Variants in HDGFL3 observed in about 807,000 individuals in gnomAD.
The protein encoded by HDGFL3 is hepatoma-derived growth factor-related protein 3.
Under a neutral mutation model 27.6 loss-of-function variants are expected in HDGFL3, and 6 were observed. The ratio of observed to expected loss-of-function variants is 0.22; its 90% CI spans 0.12 to 0.43. The LOEUF (loss-of-function observed/expected upper bound fraction) is 0.43. Ranked by LOEUF, HDGFL3 falls within the 20% of genes least tolerant of loss-of-function variation. HDGFL3 has a pLI of 1.00. For synonymous variants in HDGFL3, 88 were observed against 88.9 expected (o/e 0.99, Z 0.05); for missense variants, 207 against 250.1 (o/e 0.83, Z 1.16).
chr15:83,136,601 C>T lies in HDGFL3; in HGVS notation c.*2669G>A. 1 of 1,613,562 alleles carries T rather than the reference C, an allele frequency of 6.2e-7. No homozygotes were observed. The highest frequency in any genetic ancestry group is 8.5e-7 in the Non-Finnish European group (1 of 1,179,814). ...CATAGCATATGGAGTTCTTCCTCAG[C>T]TCTTGGCCTATCGTTGTATCTACAA... is the stretch of plus-strand genomic sequence containing the variant. On this transcript the variant is annotated 3_prime_UTR_variant, in exon 6 of 6. Transcript: ENST00000299633.
chr15:83,174,483 A>G (rs1038634577), intron 1 of HDGFL3, among the ~76,000 whole-genome samples: 4 of 150,040 alleles, frequency 2.7e-5, no homozygotes, highest in African/African-American at 7.4e-5. Flanking sequence ...TATATGTTAC[A>G]TTGAGCACCA....
rs551408565 is a variant in HDGFL3, at chr15:83,176,047, G to T, written c.85-11972C>A. ...TCTCTGTTGGATGCAGCATGGCAAAGAATCTGATACACTAGTCTTTTGCCT... is the reference window on the plus strand; with the variant it reads ...TCTCTGTTGGATGCAGCATGGCAAATAATCTGATACACTAGTCTTTTGCCT... On this transcript the variant is annotated intron_variant, in intron 1 of 5. Transcript: ENST00000299633. Among the ~76,000 whole-genome samples the T allele has an allele frequency of 9.2e-5, 14 of 152,348 alleles. No individual in the cohort carries two copies. The South Asian group carries it at 2.9e-3, about 32-fold the overall frequency.
chr15:83,151,247 T>C lies in HDGFL3; in HGVS notation c.574A>G (p.Thr192Ala). The change falls in exon 5 of 6, where the codon ACA becomes GCA. Residue 192 changes from threonine to alanine, a missense_variant. Thr to Ala is a moderately conservative substitution (Grantham distance 58). Transcript: ENST00000299633. ...GGDAGNDTRN[T>A]TSDLQKTSEG... ...CTGGTTTTCTGCAAGTCTGAAGTTG[T>C]GTTTCTTGTGTCGTTGCCCGCATCT... The C allele has an allele frequency of 6.2e-7, 1 of 1,613,082 alleles. No homozygotes were observed. The highest frequency in any genetic ancestry group is 8.5e-7 in the Non-Finnish European group (1 of 1,179,802).
chr15:83,137,963 C>T lies in HDGFL3; in HGVS notation c.*1307G>A, dbSNP rs2151391870. On this transcript the variant is annotated 3_prime_UTR_variant, in exon 6 of 6. Transcript: ENST00000299633. ...CATGTAGTCATCTCCCCATCATCCC[C>T]TACAGTGTTTTCAAATAATCTAAAA... 6.6e-6 allele frequency: 1 copy of T among 151,836 alleles called. No individual in the cohort carries two copies. The highest frequency in any genetic ancestry group is 1.5e-5 in the Non-Finnish European group (1 of 67,902). 9.4% of individuals were successfully genotyped at this position (151,836 alleles called of 1,614,324 possible). A position where few individuals can be genotyped will look rare whatever the true frequency, so the allele number is the denominator to read the frequency against.
At chr15:83,159,977 A>G (rs2037078025) in intron 2 of HDGFL3, among the ~76,000 whole-genome samples, 1 of 152,214 alleles carries the variant, frequency 6.6e-6, no homozygotes, top group African/African-American at 2.4e-5. Context: ...TGTACTGAAA[A>G]CAGACTGAAG....
chr15:83,153,125 G>A (rs1045769141), intron 4 of HDGFL3, among the ~76,000 whole-genome samples: 5 of 151,200 alleles, frequency 3.3e-5, no homozygotes, highest in Non-Finnish European at 5.9e-5. Flanking sequence ...TTAGCCTCCC[G>A]AGTAGCTGGG....
At chr15:83,159,834 G>C (rs189569964) in intron 2 of HDGFL3, among the ~76,000 whole-genome samples, 1 of 152,308 alleles carries the variant, frequency 6.6e-6, no homozygotes, top group African/African-American at 2.4e-5. Flanking sequence ...TGTGAGACAG[G>C]TTAACAGAGT....
chr15:83,140,255 T>C (rs1202867039), intron 5 of HDGFL3, among the ~76,000 whole-genome samples: 1 of 152,106 alleles, frequency 6.6e-6, no homozygotes, highest in South Asian at 2.1e-4. Flanking sequence ...GGCAGAAATA[T>C]ACTTTTTATC....
intron 2 of HDGFL3, among the ~76,000 whole-genome samples, chr15:83,160,110 CA>C (rs2037079852): frequency 6.6e-6 from 1 of 151,804 alleles, no homozygotes; most frequent in African/African-American, 2.4e-5. Flanking sequence ...AATTCATTCT[CA>C]AGAAAGAGCA....
chr15:83,196,235 A>G (rs1366276431), intron 1 of HDGFL3, among the ~76,000 whole-genome samples: 1 of 151,834 alleles, frequency 6.6e-6, no homozygotes, highest in African/African-American at 2.4e-5. Context: ...TATTAAGTCA[A>G]TATACTTATT....
At chr15:83,123,106 G>A (rs1311520982), downstream of HDGFL3, among the ~76,000 whole-genome samples, 1 of 152,236 alleles carries the variant, frequency 6.6e-6, no homozygotes, top group Non-Finnish European at 1.5e-5. Flanking sequence ...ATACTTTGGG[G>A]AGCTTCCTGT....
At chr15:83,123,327 G>C (rs1031903131), downstream of HDGFL3, among the ~76,000 whole-genome samples, 3 of 152,232 alleles carry the variant, frequency 2.0e-5, no homozygotes, top group East Asian at 5.8e-4. Flanking sequence ...TGACTCCAGA[G>C]ATCCAGGCCC....
chr15:83,126,680 C>T (rs572670951), downstream of HDGFL3: 16 of 1,183,868 alleles, frequency 1.4e-5, no homozygotes, highest in African/African-American at 1.2e-4. Flanking sequence ...CTAAACCTGG[C>T]ACATTTAGCC....
At position 83,131,151 on chromosome 15, in the gene HDGFL3, C is replaced by T. The variant is rs958472572; in HGVS notation, c.*8119G>A. On this transcript the variant is annotated 3_prime_UTR_variant, in exon 6 of 6. Transcript: ENST00000299633. ...ATAGGCATTTTTCTGTAACTTTAAT[C>T]AGCATCTTTGCTTGCTAAAATTGCC... 5.9e-5 allele frequency: 9 copies of T among 152,088 alleles called. No individual in the cohort carries two copies. The highest frequency in any genetic ancestry group is 1.3e-4 in the Non-Finnish European group (9 of 68,006). 9.4% of individuals were successfully genotyped at this position (152,088 alleles called of 1,614,324 possible).
chr15:83,183,242 G>A (rs1482978317), intron 1 of HDGFL3, among the ~76,000 whole-genome samples: 1 of 151,904 alleles, frequency 6.6e-6, no homozygotes, highest in African/African-American at 2.4e-5. Context: ...AAAACAATCT[G>A]TACACCAAAC....
chr15:83,119,874 T>C (rs2035060952), intron 3 of HDGFL3: 1 of 761,146 alleles, frequency 1.3e-6, no homozygotes, highest in East Asian at 2.8e-5. Flanking sequence ...TCTGAATTGC[T>C]CCCTAGCATG....
intron 1 of HDGFL3, among the ~76,000 whole-genome samples, chr15:83,181,251 G>C (rs1010312762): frequency 2.0e-5 from 3 of 152,156 alleles, no homozygotes; most frequent in African/African-American, 7.2e-5. Context: ...TATGCAGGCT[G>C]TATAAAGGGG....
At chr15:83,206,924 C>T (rs759151675) in intron 1 of HDGFL3, among the ~76,000 whole-genome samples, 6 of 152,280 alleles carry the variant, frequency 3.9e-5, no homozygotes, top group East Asian at 1.9e-4. Flanking sequence ...TCGCGGACAG[C>T]CGCTCACCCC....
downstream of HDGFL3, chr15:83,123,000 G>T (rs1044938033): frequency 2.7e-6 from 3 of 1,092,934 alleles, no homozygotes; most frequent in Non-Finnish European, 3.9e-6. Context: ...CAAACAGTGC[G>T]ACTGTTTTGA....
Sources: allele counts gnomAD v4.1 joint callset (sites outside exome capture counted in the v4.1 genomes callset), GRCh38; gene constraint gnomAD v4.1.1; transcripts MANE v1.5; gene names NCBI Gene and HGNC (gene_info 2026-07-23, HGNC 2026-07-21).